Variants in ALOX5 observed in about 807,000 individuals in gnomAD.
ALOX5 encodes the protein polyunsaturated fatty acid 5-lipoxygenase.
ALOX5 carries 64 observed loss-of-function variants against 87.9 expected under a neutral mutation model. That is an observed-to-expected ratio of 0.73 (90% CI 0.60 to 0.90). The LOEUF (loss-of-function observed/expected upper bound fraction) is 0.90. Ranked by LOEUF, ALOX5 falls within the 40% of genes least tolerant of loss-of-function variation. The pLI, the probability that ALOX5 is intolerant of heterozygous loss-of-function variation, is 0.00. For missense variants in ALOX5, 822 were observed against 907.5 expected, an observed-to-expected ratio of 0.91 and a Z score of 1.21; for synonymous variants, 388 against 355.1, an observed-to-expected ratio of 1.09 and a Z score of -1.04.
chr10:45,420,619 G>T (rs780475813), intron 4 of ALOX5, among the ~76,000 whole-genome samples: 1 of 152,242 alleles, frequency 6.6e-6, no homozygotes, highest in South Asian at 2.1e-4. Context: ...GGCCTTCCCC[G>T]TTAAACCTCT....
At chr10:45,444,053 CA>C in intron 12 of ALOX5, 62 bp from the exon 13 acceptor site, 2 of 1,485,168 alleles carry the variant, frequency 1.3e-6, no homozygotes, top group Non-Finnish European at 1.8e-6. Flanking sequence ...GGACGGGGCC[CA>C]GGGGGCAGCT....
In ALOX5 at chr10:45,443,463, TGGA is replaced by T. The variant is rs762183261; in HGVS notation, c.1506_1508del (p.Glu502del). The T allele has an allele frequency of 1.9e-6, 3 of 1,612,632 alleles. No homozygotes were observed. The highest frequency in any genetic ancestry group is 1.7e-5 in the Admixed American group (1 of 59,892). ...ATCTACTACGAGGGCGACCAGGTGG[TGGA>T]GGAGGACCCGGAGCTGCAGGACTTC... On this transcript the variant is annotated inframe_deletion, in exon 11 of 14. Coordinates refer to ENST00000374391, the MANE Select transcript of ALOX5 (RefSeq NM_000698.5).
At chr10:45,423,930 C>G in intron 4 of ALOX5, 111 bp from the exon 5 acceptor site, 3 of 807,372 alleles carry the variant, frequency 3.7e-6, no homozygotes, top group Non-Finnish European at 6.3e-6. Context: ...CTCTGCAGAG[C>G]TGCCTGGAGG....
chr10:45,378,643 CAT>C (rs765259644), intron 1 of ALOX5, among the ~76,000 whole-genome samples: 2 of 152,198 alleles, frequency 1.3e-5, no homozygotes, highest in Non-Finnish European at 2.9e-5. Flanking sequence ...CAGTTTGACA[CAT>C]GTGACCCTGG....
intron 3 of ALOX5, 81 bp downstream of exon 3, chr10:45,396,017 C>T (rs1340697851): frequency 2.8e-6 from 4 of 1,437,330 alleles, no homozygotes; most frequent in African/African-American, 1.4e-5. Context: ...TAAACCCTTT[C>T]CACAGTGTAT....
intron 2 of ALOX5, among the ~76,000 whole-genome samples, chr10:45,389,520 G>A (rs923683553): frequency 3.3e-5 from 5 of 152,220 alleles, no homozygotes; most frequent in African/African-American, 1.2e-4. Context: ...CAAGCCAGAA[G>A]AGACTGGGGG....
At chr10:45,381,947 C>T (rs1839845565) in intron 1 of ALOX5, among the ~76,000 whole-genome samples, 2 of 152,254 alleles carry the variant, frequency 1.3e-5, no homozygotes, top group Non-Finnish European at 2.9e-5. Context: ...CTTCCCATTT[C>T]AGCTAGGTCT....
intron 12 of ALOX5, 83 bp from the exon 13 acceptor site, chr10:45,444,033 G>A (rs565626202): frequency 2.0e-6 from 3 of 1,466,314 alleles, no homozygotes; most frequent in South Asian, 1.4e-5. Flanking sequence ...GGAGTTGGGG[G>A]GCACGGGGAG....
chr10:45,397,545 C>T (rs1448137829), intron 3 of ALOX5, among the ~76,000 whole-genome samples: 1 of 152,118 alleles, frequency 6.6e-6, no homozygotes, highest in Non-Finnish European at 1.5e-5. Flanking sequence ...AAGGCACCCA[C>T]AATGGAGTAC....
intron 1 of ALOX5, among the ~76,000 whole-genome samples, chr10:45,376,118 C>T (rs1451998838): frequency 2.6e-5 from 4 of 152,192 alleles, no homozygotes; most frequent in Admixed American, 2.6e-4. Context: ...CTGCAGGGGA[C>T]ATGATAACGT....
At chr10:45,401,696 C>T (rs1401627559) in intron 3 of ALOX5, among the ~76,000 whole-genome samples, 2 of 152,092 alleles carry the variant, frequency 1.3e-5, no homozygotes, top group African/African-American at 4.8e-5. Flanking sequence ...TTTTTGTATT[C>T]TTATAAGCAA....
chr10:45,392,146 G>A (rs1450285926), intron 2 of ALOX5, among the ~76,000 whole-genome samples: 43 of 150,440 alleles, frequency 2.9e-4, no homozygotes, highest in African/African-American at 9.3e-4. Context: ...GCCTCTGCCT[G>A]GCCACCCCTA....
At position 45,441,339 on chromosome 10, in the gene ALOX5, C is replaced by T. The variant is rs1170178890; in HGVS notation, c.1186-5C>T. 1 of 1,613,164 alleles carries T rather than the reference C, an allele frequency of 6.2e-7. No individual in the cohort carries two copies. Among genetic ancestry groups the T allele is most frequent in the African/African-American group, 1.3e-5 (1 of 74,892 alleles). On this transcript the variant is annotated splice_region_variant and splice_polypyrimidine_tract_variant and intron_variant, in intron 8 of 13. Transcript: ENST00000374391. ...CTCTGAGGCCTCCTCCTCTCCCCTC[C>T]CCAGCTGCTGGTGGCACACGTGAGA...
intron 2 of ALOX5, among the ~76,000 whole-genome samples, chr10:45,387,637 A>AG (rs1223365330): frequency 6.6e-6 from 1 of 152,172 alleles, no homozygotes; most frequent in African/African-American, 2.4e-5. Flanking sequence ...GTGCCTGCCA[A>AG]GCCCAGTGAG....
In ALOX5 at chr10:45,425,769, C is replaced by G. The variant is rs540212698; in HGVS notation, c.834+637C>G. On this transcript the variant is annotated intron_variant, in intron 6 of 13. Coordinates refer to ENST00000374391, the MANE Select transcript of ALOX5 (RefSeq NM_000698.5). This position sits in a 1 kb window ranked among gnomAD's most constrained non-coding sequence, Gnocchi z 4.4. ...CGCTGGCCCATCAGCCTGCCTCTTC[C>G]CCATGGATCCAGCGTGATGGGGCCT... Among the ~76,000 whole-genome samples the G allele has an allele frequency of 1.6e-3, 248 of 152,342 alleles. 1 individual carries two copies. The highest frequency in any genetic ancestry group is 5.8e-3 in the African/African-American group (241 of 41,578).
chr10:45,393,405 C>G (rs891097217), intron 2 of ALOX5, among the ~76,000 whole-genome samples: 1 of 152,160 alleles, frequency 6.6e-6, no homozygotes, highest in African/African-American at 2.4e-5. Flanking sequence ...ATTCAACAAC[C>G]ATTCATGCTA....
chr10:45,388,540 G>A (rs1230881538), intron 2 of ALOX5, among the ~76,000 whole-genome samples: 9 of 152,208 alleles, frequency 5.9e-5, no homozygotes, highest in South Asian at 2.1e-4. Context: ...AGCAATATTC[G>A]CTGTTCTGCA....
At chr10:45,390,149 A>T (rs1010552967) in intron 2 of ALOX5, among the ~76,000 whole-genome samples, 1 of 152,246 alleles carries the variant, frequency 6.6e-6, no homozygotes, top group African/African-American at 2.4e-5. Flanking sequence ...AACTATCCGA[A>T]ACGTATATGC....
intron 3 of ALOX5, among the ~76,000 whole-genome samples, chr10:45,411,562 G>A (rs959930660): frequency 2.6e-5 from 4 of 152,226 alleles, no homozygotes; most frequent in Non-Finnish European, 4.4e-5. Flanking sequence ...GATGCAGTCC[G>A]TGGCTTGTCT....
Sources: gnomAD v4.1 joint callset for allele counts (sites outside exome capture counted in the v4.1 genomes callset) on GRCh38, gnomAD v4.1.1 for gene constraint, Gnocchi (gnomAD v3.1) non-coding constraint, MANE v1.5 for transcripts, NCBI Gene and HGNC (gene_info 2026-07-23, HGNC 2026-07-21) for gene names.